Variants in LNPEP observed in about 807,000 individuals in gnomAD.
LNPEP encodes the protein leucyl-cystinyl aminopeptidase.
Under a neutral mutation model 120.6 loss-of-function variants are expected in LNPEP, and 64 were observed. That is an observed-to-expected ratio of 0.53 (90% CI 0.43 to 0.65). The LOEUF is 0.65. LNPEP is among the 30% of genes least tolerant of loss of function. LNPEP has a pLI of 0.00. For missense variants in LNPEP, 1,057 were observed against 1,200.0 expected (o/e 0.88, Z 1.76); for synonymous variants, 435 against 425.4 (o/e 1.02, Z -0.28).
chr5:97,020,254 A>G (rs1226659664), intron 13 of LNPEP, among the ~76,000 whole-genome samples: 2 of 152,140 alleles, frequency 1.3e-5, no homozygotes, highest in Non-Finnish European at 2.9e-5. Flanking sequence ...ACTCAGTGGT[A>G]CTCACTGTCA....
intron 4 of LNPEP, among the ~76,000 whole-genome samples, chr5:96,989,217 G>GTA (rs200328291): frequency 2.3e-4 from 33 of 144,406 alleles, no homozygotes; most frequent in East Asian, 5.9e-4. Flanking sequence ...TCCTTTCTCA[G>GTA]TATATATATA....
At chr5:96,953,659 A>G (rs746849350) in intron 1 of LNPEP, among the ~76,000 whole-genome samples, 1 of 152,136 alleles carries the variant, frequency 6.6e-6, no homozygotes, top group Non-Finnish European at 1.5e-5. Flanking sequence ...TGGTTCTCTC[A>G]TTTCTAGGAT....
At chr5:97,008,337 G>GTTTTTTTTTTTTTTTTTTT (rs781727347) in intron 11 of LNPEP, among the ~76,000 whole-genome samples, 8 of 59,842 alleles carry the variant, frequency 1.3e-4, no homozygotes, top group Admixed American at 4.8e-4. Flanking sequence ...GTTTTTTCTT[G>GTTTTTTTTTTTTTTTTTTT]TTTTTTTTTT....
In LNPEP at chr5:97,022,428, C is replaced by T; in HGVS notation, c.2505C>T (p.Cys835=). ...EFACTHNLGN[C]STTAMKLFDD... ...CTTGCACCCACAACCTGGGGAACTG[C>T]TCTACTACTGCCATGAAACTGTTTG... The change falls in exon 14 of 18, where the codon TGC becomes TGT. Residue 835 remains cysteine (C), a synonymous_variant. Transcript: ENST00000231368. The T allele has an allele frequency of 1.2e-6, 2 of 1,614,066 alleles. No individual in the cohort carries two copies. The highest frequency in any genetic ancestry group is 1.7e-6 in the Non-Finnish European group (2 of 1,179,956).
Position 97,003,665 on chromosome 5 carries a change from G to C in LNPEP, c.1785+119G>C, listed in dbSNP as rs551057490. Reference sequence around the variant, plus strand: ...GTACAAAGCATAGTTATTTAAGAAAGGGGGGGATGGAGCTTGCTATATAAA... The same window carrying C: ...GTACAAAGCATAGTTATTTAAGAAACGGGGGGATGGAGCTTGCTATATAAA... On this transcript the variant is annotated intron_variant, in intron 9 of 17. Coordinates refer to ENST00000231368, the MANE Select transcript of LNPEP (RefSeq NM_005575.3). 29 of 557,266 alleles carry C rather than the reference G, an allele frequency of 5.2e-5. No individual in the cohort carries two copies. In the South Asian group the frequency reaches 1.1e-3, roughly 22 times the overall value. The allele number at this position is 557,266 out of a possible 1,614,324, so 34.5% of individuals were successfully genotyped here. A position where few individuals can be genotyped will look rare whatever the true frequency, so the allele number is the denominator to read the frequency against.
Position 97,031,455 on chromosome 5 carries a change from A to G in LNPEP, c.*2922A>G, listed in dbSNP as rs897789110. On this transcript the variant is annotated 3_prime_UTR_variant, in exon 18 of 18. Coordinates refer to ENST00000231368, the MANE Select transcript of LNPEP (RefSeq NM_005575.3). ...AGGTTCTACTTTAATTTTCCTTGCC[A>G]TATGTGTTTCCATTTTGTGGGACAT... The G allele has an allele frequency of 1.3e-5, 2 of 152,180 alleles. No homozygotes were observed. Among genetic ancestry groups the G allele is most frequent in the Non-Finnish European group, 2.9e-5 (2 of 68,028 alleles). 9.4% of individuals were successfully genotyped at this position (152,180 alleles called of 1,614,324 possible).
chr5:96,955,763 A>G (rs1789453881), intron 1 of LNPEP, among the ~76,000 whole-genome samples: 1 of 152,260 alleles, frequency 6.6e-6, no homozygotes, highest in Non-Finnish European at 1.5e-5. Flanking sequence ...ACTCTAGTAT[A>G]AGTCTTTGTA....
At chr5:97,017,965 C>T (rs1320190523) in intron 13 of LNPEP, among the ~76,000 whole-genome samples, 1 of 152,074 alleles carries the variant, frequency 6.6e-6, no homozygotes, top group African/African-American at 2.4e-5. Context: ...TTGTCTCTGT[C>T]AACACAGTGT....
chr5:96,946,709 G>C (rs1018512347), intron 1 of LNPEP, among the ~76,000 whole-genome samples: 1 of 152,170 alleles, frequency 6.6e-6, no homozygotes, highest in African/African-American at 2.4e-5. Context: ...GTAAATTGAT[G>C]ACAAAGTTGT....
chr5:97,022,551 A>G, intron 14 of LNPEP, 67 bp downstream of exon 14: 1 of 1,252,504 alleles, frequency 8.0e-7, no homozygotes, highest in Non-Finnish European at 1.1e-6. Context: ...TACAGTATCC[A>G]GGGTATTCTC....
chr5:97,022,210 C>G, intron 13 of LNPEP, 90 bp from the exon 14 acceptor site: 1 of 803,216 alleles, frequency 1.2e-6, no homozygotes, highest in East Asian at 2.6e-5. Context: ...ATTACAGGCA[C>G]GAGACACTGC....
intron 14 of LNPEP, 55 bp from the exon 15 acceptor site, chr5:97,024,466 C>A: frequency 6.5e-7 from 1 of 1,539,346 alleles, no homozygotes; most frequent in Non-Finnish European, 8.9e-7. Context: ...AACTCTTCGC[C>A]TTTGTATTCA....
rs916666441 is a variant in LNPEP at position 96,987,108 on chromosome 5, G to A, written c.1131+438G>A. Among the ~76,000 whole-genome samples the A allele has an allele frequency of 6.6e-5, 10 of 152,268 alleles. No individual in the cohort carries two copies. The South Asian group carries it at 2.1e-3, about 32-fold the overall frequency. ...CGATAGCTCTAGGTTGTAAAAATTA[G>A]ATGAGTCCTCCCTTTTTTCAAAGCA... On this transcript the variant is annotated intron_variant, in intron 4 of 17. Coordinates refer to ENST00000231368, the MANE Select transcript of LNPEP (RefSeq NM_005575.3).
At chr5:96,999,993 C>G (rs1790607368) in intron 8 of LNPEP, among the ~76,000 whole-genome samples, 1 of 152,128 alleles carries the variant, frequency 6.6e-6, no homozygotes, top group Non-Finnish European at 1.5e-5. Context: ...CTTACAAATA[C>G]TAACCATATA....
At chr5:97,022,622 A>G in intron 14 of LNPEP, 138 bp downstream of exon 14, 1 of 682,558 alleles carries the variant, frequency 1.5e-6, no homozygotes, top group South Asian at 2.0e-5. Context: ...ATGTATCTGC[A>G]TTCTCAAACA....
rs547174872 is a variant in LNPEP at position 96,985,515 on chromosome 5, A to C, written c.999+297A>C. 6.6e-5 allele frequency among the ~76,000 whole-genome samples: 10 copies of C among 152,306 alleles called. No individual in the cohort carries two copies. In the South Asian group the frequency reaches 2.1e-3, roughly 32 times the overall value. On this transcript the variant is annotated intron_variant, in intron 3 of 17. Transcript: ENST00000231368. Reference sequence around the variant, plus strand: ...TAATACAATGAACTAGCAAAAGATTAGAGTAATATTTTCTGAGACAGGATG... The same window carrying C: ...TAATACAATGAACTAGCAAAAGATTCGAGTAATATTTTCTGAGACAGGATG...
Position 97,033,738 on chromosome 5 carries a change from G to C in LNPEP, c.*5205G>C, listed in dbSNP as rs1288945117. On this transcript the variant is annotated 3_prime_UTR_variant, in exon 18 of 18. Transcript: ENST00000231368. ...AGTTGATTAGCTTCAGGGATTCTTTGGTGGGTGTTGGGGTATATACTTTTG... is the reference window on the plus strand; with the variant it reads ...AGTTGATTAGCTTCAGGGATTCTTTCGTGGGTGTTGGGGTATATACTTTTG... 6.6e-6 allele frequency: 1 copy of C among 151,910 alleles called. No individual in the cohort carries two copies. Among genetic ancestry groups the C allele is most frequent in the Non-Finnish European group, 1.5e-5 (1 of 67,968 alleles). 9.4% of individuals were successfully genotyped at this position (151,910 alleles called of 1,614,324 possible). A position where few individuals can be genotyped will look rare whatever the true frequency, so the allele number is the denominator to read the frequency against.
At chr5:97,013,854 T>G in intron 12 of LNPEP, 23 bp downstream of exon 12, 4 of 1,525,296 alleles carry the variant, frequency 2.6e-6, no homozygotes, top group Non-Finnish European at 3.5e-6. Flanking sequence ...TAGTTTGAGA[T>G]TTTTTCTTTT....
Position 97,030,490 on chromosome 5 carries a change from T to C in LNPEP, c.*1957T>C, listed in dbSNP as rs1192547441. 1 of 152,202 alleles carries C rather than the reference T, an allele frequency of 6.6e-6. No homozygotes were observed. Among genetic ancestry groups the C allele is most frequent in the Non-Finnish European group, 1.5e-5 (1 of 68,026 alleles). The allele number at this position is 152,202 out of a possible 1,614,324, so 9.4% of individuals were successfully genotyped here. ...TACAAAATTTAAATTTTGTAACTTC[T>C]CAAAATCACTTAAGATTCTTCAGTT... is the stretch of plus-strand genomic sequence containing the variant. On this transcript the variant is annotated 3_prime_UTR_variant, in exon 18 of 18. Transcript: ENST00000231368.
Sources: allele counts gnomAD v4.1 joint callset (sites outside exome capture counted in the v4.1 genomes callset), GRCh38; gene constraint gnomAD v4.1.1; transcripts MANE v1.5; gene names NCBI Gene and HGNC (gene_info 2026-07-23, HGNC 2026-07-21).